The following PCDHA7 variants were observed in gnomAD, a reference collection of about 807,000 sequenced individuals.
PCDHA7 encodes protocadherin alpha-7.
Under a neutral mutation model 57.2 loss-of-function variants are expected in PCDHA7, and 37 were observed. The observed-to-expected ratio is 0.65, with a 90% CI of 0.50 to 0.85. The LOEUF (loss-of-function observed/expected upper bound fraction) is 0.85, where lower values mean the gene tolerates loss of function less well. Among genes scored for constraint, PCDHA7 ranks in the 40% least tolerant of loss-of-function variants. The pLI is 0.00. For synonymous variants in PCDHA7, 553 were observed against 558.8 expected (o/e 0.99, Z 0.15); for missense variants, 1,188 against 1,241.8 (o/e 0.96, Z 0.65).
intron 1 of PCDHA7, chr5:140,929,129 C>T (rs1206531954): frequency 6.2e-7 from 1 of 1,614,052 alleles, no homozygotes; most frequent in South Asian, 1.1e-5. Context: ...GATGTCACTA[C>T]AGTTGAGAGA....
chr5:141,006,503 G>A (rs1163915409), intron 3 of PCDHA7, among the ~76,000 whole-genome samples: 2 of 152,168 alleles, frequency 1.3e-5, no homozygotes, highest in South Asian at 2.1e-4. Context: ...GTGAGCCACC[G>A]CGCCTGGCTG....
chr5:140,873,634 G>C (rs1040264226), intron 1 of PCDHA7, among the ~76,000 whole-genome samples: 1 of 152,158 alleles, frequency 6.6e-6, no homozygotes, highest in Non-Finnish European at 1.5e-5. Flanking sequence ...AGGTCAAAGA[G>C]TATGTGAGAA....
intron 1 of PCDHA7, chr5:140,857,730 C>T (rs782671299): frequency 6.3e-7 from 1 of 1,597,474 alleles, no homozygotes. Context: ...AACGACAACG[C>T]TCCCGCGCTG....
At chr5:140,882,988 G>A (rs782434208) in intron 1 of PCDHA7, 4 of 1,614,080 alleles carry the variant, frequency 2.5e-6, no homozygotes, top group Non-Finnish European at 3.4e-6. Context: ...ACAACGCCCC[G>A]GAATTTTACC....
intron 1 of PCDHA7, chr5:140,849,218 G>A (rs2150433092): frequency 1.9e-6 from 2 of 1,040,734 alleles, no homozygotes; most frequent in South Asian, 3.2e-5. Context: ...ATGCCCCAGT[G>A]TTCGACAGAA....
At chr5:140,967,936 T>G in intron 1 of PCDHA7, 1 of 1,614,226 alleles carries the variant, frequency 6.2e-7, no homozygotes, top group Non-Finnish European at 8.5e-7. Flanking sequence ...TCAGTGTCAA[T>G]GACCAAGACT....
chr5:140,884,240 G>A (rs139927854), intron 1 of PCDHA7: 5 of 1,613,368 alleles, frequency 3.1e-6, no homozygotes, highest in African/African-American at 1.3e-5. Context: ...CGGTGAGCCC[G>A]CGCTGACGGC....
chr5:140,998,228 T>G (rs528236708), intron 3 of PCDHA7, among the ~76,000 whole-genome samples: 1 of 152,288 alleles, frequency 6.6e-6, no homozygotes, highest in East Asian at 1.9e-4. Flanking sequence ...ACCCAGAAAT[T>G]TGTGCATTAT....
chr5:140,877,389 G>A (rs1554169667), intron 1 of PCDHA7: 3 of 1,613,994 alleles, frequency 1.9e-6, no homozygotes, highest in South Asian at 1.1e-5. Flanking sequence ...TCCTGGATGA[G>A]GCGGACGCTC....
rs201643490 is a variant in PCDHA7 at position 140,856,993 on chromosome 5, T to A, written c.2355+20255T>A. 5.0e-6 allele frequency: 8 copies of A among 1,595,442 alleles called. No homozygotes were observed. In the East Asian group the frequency reaches 1.3e-4, roughly 27 times the overall value. On this transcript the variant is annotated intron_variant, in intron 1 of 3. Transcript: ENST00000525929. Reference sequence around the variant, plus strand: ...TTGACTTTGAGGACAGTAACACTTATGAAATTCATGTAGATGTTACAGATA... The same window carrying A: ...TTGACTTTGAGGACAGTAACACTTAAGAAATTCATGTAGATGTTACAGATA...
chr5:140,841,839 G>A, intron 1 of PCDHA7: 1 of 1,613,898 alleles, frequency 6.2e-7, no homozygotes, highest in Middle Eastern at 1.6e-4. Context: ...TACAGGCTTA[G>A]CTCTCATGAT....
intron 1 of PCDHA7, among the ~76,000 whole-genome samples, chr5:140,845,743 T>C (rs2150214472): frequency 6.7e-6 from 1 of 149,754 alleles, no homozygotes; most frequent in East Asian, 1.9e-4. Flanking sequence ...ACTTTATAGA[T>C]TTATTTGTAT....
chr5:140,843,374 G>A (rs1778834369), intron 1 of PCDHA7: 1 of 1,596,014 alleles, frequency 6.3e-7, no homozygotes, highest in Non-Finnish European at 8.6e-7. Context: ...GCAGTCGGCT[G>A]GCGTTTTGGG....
intron 1 of PCDHA7, among the ~76,000 whole-genome samples, chr5:140,941,304 C>T (rs1477431460): frequency 4.7e-5 from 4 of 84,830 alleles, no homozygotes; most frequent in African/African-American, 8.5e-5. Flanking sequence ...TTCTTTCTTT[C>T]TTTTTCTTCT....
chr5:140,980,628 CAGA>C (rs1554242055), intron 2 of PCDHA7, among the ~76,000 whole-genome samples: 1 of 150,868 alleles, frequency 6.6e-6, no homozygotes, highest in Non-Finnish European at 1.5e-5. Flanking sequence ...GACTCTGTCT[CAGA>C]AGAATAAATA....
At chr5:140,984,254 G>A (rs553931247) in intron 3 of PCDHA7, among the ~76,000 whole-genome samples, 1 of 152,278 alleles carries the variant, frequency 6.6e-6, no homozygotes, top group East Asian at 1.9e-4. Flanking sequence ...GACCTGGTAA[G>A]CCACAAACTA....
chr5:140,968,734 C>T, intron 1 of PCDHA7: 1 of 1,614,162 alleles, frequency 6.2e-7, no homozygotes, highest in Non-Finnish European at 8.5e-7. Flanking sequence ...GTAGCACTTT[C>T]AACCTGACCG....
intron 3 of PCDHA7, among the ~76,000 whole-genome samples, chr5:141,002,090 A>AGG (rs782223041): frequency 1.3e-5 from 2 of 152,254 alleles, no homozygotes; most frequent in Non-Finnish European, 2.9e-5. Flanking sequence ...CGAGCAGTCC[A>AGG]GGGGCTGGGC....
intron 1 of PCDHA7, among the ~76,000 whole-genome samples, chr5:140,838,972 A>G (rs1775978253): frequency 6.6e-6 from 1 of 151,966 alleles, no homozygotes; most frequent in African/African-American, 2.4e-5. Flanking sequence ...AGAACTGACA[A>G]TTTTCACTGT....
Sources: gnomAD v4.1 joint callset for allele counts (sites outside exome capture counted in the v4.1 genomes callset) on GRCh38, gnomAD v4.1.1 for gene constraint, MANE v1.5 for transcripts, NCBI Gene and HGNC (gene_info 2026-07-23, HGNC 2026-07-21) for gene names.